The following RBMS1 variants were observed in gnomAD, a reference collection of about 807,000 sequenced individuals.
RBMS1 encodes RNA-binding motif, single-stranded-interacting protein 1.
A neutral mutation model predicts 62.3 loss-of-function variants in RBMS1; 17 were observed. The observed-to-expected ratio is 0.27, with a 90% CI of 0.19 to 0.41. RBMS1 has a LOEUF of 0.41. Ranked by LOEUF, RBMS1 falls within the 10% of genes least tolerant of loss-of-function variation. The pLI is 1.00. For synonymous variants in RBMS1, 172 were observed against 170.0 expected, an observed-to-expected ratio of 1.01 and a Z score of -0.09; for missense variants, 334 against 504.5, an observed-to-expected ratio of 0.66 and a Z score of 3.24.
chr2:160,448,643 A>G (rs1683783563), intron 1 of RBMS1, among the ~76,000 whole-genome samples: 1 of 152,172 alleles, frequency 6.6e-6, no homozygotes, highest in African/African-American at 2.4e-5. Flanking sequence ...TCGGCTCGCT[A>G]CGACCTCCAC....
intron 4 of RBMS1, among the ~76,000 whole-genome samples, chr2:160,307,298 CA>C (rs1689585861): frequency 7.0e-6 from 1 of 142,426 alleles, no homozygotes; most frequent in Non-Finnish European, 1.5e-5. Flanking sequence ...CTGCTCAGAG[CA>C]TGGTGAAGCT....
intron 1 of RBMS1, among the ~76,000 whole-genome samples, chr2:160,382,768 TC>T (rs1694342055): frequency 6.6e-6 from 1 of 152,134 alleles, no homozygotes; most frequent in African/African-American, 2.4e-5. Flanking sequence ...GTTAATAGAG[TC>T]ATCTGGGTGG....
At chr2:160,416,347 T>C (rs1207204155) in intron 1 of RBMS1, among the ~76,000 whole-genome samples, 1 of 151,978 alleles carries the variant, frequency 6.6e-6, no homozygotes, top group Non-Finnish European at 1.5e-5. Context: ...AAATACAATG[T>C]TTCAAACAAG....
intron 1 of RBMS1, among the ~76,000 whole-genome samples, chr2:160,480,045 T>C (rs1291669342): frequency 2.0e-5 from 3 of 152,168 alleles, no homozygotes; most frequent in Admixed American, 6.5e-5. Flanking sequence ...TGAAGCCCAT[T>C]GAGCAGCATG....
At chr2:160,395,586 T>C (rs996357344) in intron 1 of RBMS1, among the ~76,000 whole-genome samples, 22 of 136,358 alleles carry the variant, frequency 1.6e-4, no homozygotes, top group Admixed American at 1.5e-3. Context: ...ATCGCGCCAC[T>C]GCACTCCAGC....
intron 1 of RBMS1, among the ~76,000 whole-genome samples, chr2:160,464,215 A>T (rs1019101322): frequency 6.6e-6 from 1 of 152,224 alleles, no homozygotes; most frequent in African/African-American, 2.4e-5. Context: ...GCACCATGAC[A>T]TATCTGTAAC....
chr2:160,448,583 C>G (rs528820495), intron 1 of RBMS1, among the ~76,000 whole-genome samples: 37 of 152,364 alleles, frequency 2.4e-4, no homozygotes, highest in African/African-American at 8.4e-4. Flanking sequence ...GACAGAGTCT[C>G]GCTCACTCAG....
chr2:160,421,940 T>C (rs902361252), intron 1 of RBMS1, among the ~76,000 whole-genome samples: 1 of 152,212 alleles, frequency 6.6e-6, no homozygotes, highest in Admixed American at 6.5e-5. Context: ...GCTGCATAAA[T>C]GTCTTCACTC....
At chr2:160,484,201 A>C (rs2105361120) in intron 1 of RBMS1, among the ~76,000 whole-genome samples, 1 of 152,128 alleles carries the variant, frequency 6.6e-6, no homozygotes, top group South Asian at 2.1e-4. Flanking sequence ...AGGCTAATAA[A>C]AATGTACGCC....
chr2:160,493,304 C>T lies in RBMS1; in HGVS notation c.60G>A (p.Gln20=), dbSNP rs369939268. Residue 20 remains glutamine (Q), a synonymous_variant, in exon 1 of 14, where the codon CAG becomes CAA. Transcript: ENST00000348849. ...GCCCCTTTACCTTGGCTTGCAGATA[C>T]TGGGGGTAATAGTAGGTGGCGTACT... ...YPQYATYYYP[Q]YLQAKQSLVP... is the part of the protein sequence containing the mutation. The T allele has an allele frequency of 1.9e-6, 3 of 1,613,424 alleles. No homozygotes were observed. The South Asian group carries it at 3.3e-5, about 18-fold the overall frequency.
chr2:160,321,976 G>A (rs1690587193), intron 2 of RBMS1, among the ~76,000 whole-genome samples: 1 of 152,166 alleles, frequency 6.6e-6, no homozygotes, highest in Non-Finnish European at 1.5e-5. Flanking sequence ...TGAAGAACTT[G>A]TTCAAACATT....
chr2:160,382,379 C>G (rs554405710), intron 1 of RBMS1, among the ~76,000 whole-genome samples: 1 of 152,266 alleles, frequency 6.6e-6, no homozygotes, highest in South Asian at 2.1e-4. Flanking sequence ...AACTCCATGA[C>G]AGGTGGACTT....
chr2:160,319,126 A>G (rs963227926), intron 2 of RBMS1, among the ~76,000 whole-genome samples: 2 of 152,250 alleles, frequency 1.3e-5, no homozygotes, highest in Admixed American at 1.3e-4. Flanking sequence ...CATAGTGGCC[A>G]TACTATAAGG....
At chr2:160,316,428 T>A (rs1020811049) in intron 3 of RBMS1, among the ~76,000 whole-genome samples, 2 of 152,198 alleles carry the variant, frequency 1.3e-5, no homozygotes, top group African/African-American at 4.8e-5. Context: ...AGGAGACTTC[T>A]TGTATCTAAA....
chr2:160,326,314 T>C (rs1467159411), intron 2 of RBMS1, among the ~76,000 whole-genome samples: 1 of 152,148 alleles, frequency 6.6e-6, no homozygotes, highest in Non-Finnish European at 1.5e-5. Context: ...AGGAGGACAG[T>C]CCTTTGGGGT....
intron 1 of RBMS1, among the ~76,000 whole-genome samples, chr2:160,442,934 G>A (rs1161568758): frequency 2.0e-5 from 3 of 152,222 alleles, no homozygotes; most frequent in African/African-American, 7.2e-5. Flanking sequence ...GGCTGGGCGC[G>A]GTGGCTCACG....
chr2:160,400,244 C>T (rs557046064), intron 1 of RBMS1, among the ~76,000 whole-genome samples: 13 of 152,182 alleles, frequency 8.5e-5, no homozygotes, highest in Admixed American at 5.9e-4. Context: ...AGAAGCCACA[C>T]CTCCCACTGC....
chr2:160,311,814 A>G (rs1689939157), intron 4 of RBMS1, among the ~76,000 whole-genome samples: 1 of 152,206 alleles, frequency 6.6e-6, no homozygotes, highest in Non-Finnish European at 1.5e-5. Flanking sequence ...TGAAGAACTC[A>G]GGTTTTAAAA....
chr2:160,456,362 A>C (rs543907283), intron 1 of RBMS1, among the ~76,000 whole-genome samples: 1 of 152,330 alleles, frequency 6.6e-6, no homozygotes, highest in East Asian at 1.9e-4. Flanking sequence ...GGAAGCTAAA[A>C]GGTGTACGTG....
Sources: gnomAD v4.1 joint callset for allele counts (sites outside exome capture counted in the v4.1 genomes callset) on GRCh38, gnomAD v4.1.1 for gene constraint, MANE v1.5 for transcripts, NCBI Gene and HGNC (gene_info 2026-07-23, HGNC 2026-07-21) for gene names.